HEXA: variants seen among roughly 807,000 people sequenced by gnomAD.
HEXA encodes beta-hexosaminidase subunit alpha.
A neutral mutation model predicts 73.3 loss-of-function variants in HEXA; 54 were observed. The observed-to-expected ratio is 0.74, with a 90% CI of 0.59 to 0.92. The LOEUF is 0.92. HEXA is among the 40% of genes least tolerant of loss of function. The probability of loss-of-function intolerance (pLI) is 0.00; values close to 1 mark genes in which losing one functional copy is unlikely to be tolerated. For synonymous variants in HEXA, 230 were observed against 246.9 expected, an observed-to-expected ratio of 0.93 and a Z score of 0.64; for missense variants, 649 against 653.0, an observed-to-expected ratio of 0.99 and a Z score of 0.07.
Position 72,375,773 on chromosome 15 carries a change from C to T in HEXA, c.200G>A (p.Arg67His), listed in dbSNP as rs1213459678. Residue 67 changes from arginine (R) to histidine (H), a missense_variant, in exon 1 of 14, where the codon CGC (arginine) becomes CAC (histidine). Transcript: ENST00000268097. ...GCSVLDEAFQ[R>H]YRDLLFGSGS... ...GGAACCGAAAAGCAGGTCACGATAG[C>T]GCTGGAAGGCCTCGTCGAGGACTGA... The T allele has an allele frequency of 3.7e-6, 6 of 1,614,230 alleles. No homozygotes were observed. Among genetic ancestry groups the T allele is most frequent in the South Asian group, 1.1e-5 (1 of 91,092 alleles).
intron 9 of HEXA, 58 bp downstream of exon 9, chr15:72,347,990 G>A (rs1173526158): frequency 5.3e-5 from 65 of 1,228,322 alleles, no homozygotes; most frequent in Non-Finnish European, 7.6e-5. Flanking sequence ...GGTATGGAAA[G>A]GGAGGACCCC....
rs749368995 is a variant in HEXA, at chr15:72,346,582, T to C, written c.1275A>G (p.Ile425Met). 2 of 1,614,124 alleles carry C rather than the reference T, an allele frequency of 1.2e-6. No homozygotes were observed. Among genetic ancestry groups the C allele is most frequent in the East Asian group, 4.5e-5 (2 of 44,884 alleles). The change falls in exon 11 of 14, where the codon ATA becomes ATG. Residue 425 changes from isoleucine to methionine, a missense_variant. Transcript: ENST00000268097. ...LLSAPWYLNR[I>M]SYGPDWKDFY... ...AATCCTTCCAGTCAGGGCCATAGGA[T>C]ATACGGTTCAGGTACCAGGGGGCAG...
chr15:72,369,885 G>A (rs2088965993), intron 1 of HEXA: 1 of 152,106 alleles, frequency 6.6e-6, no homozygotes, highest in African/African-American at 2.4e-5. Flanking sequence ...ACCTTCCAAT[G>A]CTATGCTTCT....
At chr15:72,350,477 A>C (rs753498021) in intron 7 of HEXA, 41 bp downstream of exon 7, 3 of 1,608,456 alleles carry the variant, frequency 1.9e-6, no homozygotes, top group East Asian at 2.2e-5. Context: ...CACTCTGAGC[A>C]TAACAAGCAG....
chr15:72,346,524 C>A lies in HEXA; in HGVS notation c.1330+3G>T. 6.2e-7 allele frequency: 1 copy of A among 1,613,712 alleles called. No individual in the cohort carries two copies. The highest frequency in any genetic ancestry group is 8.5e-7 in the Non-Finnish European group (1 of 1,179,664). ...GTTAGCAAGGAGAGCTCTCTGCTTT[C>A]ACCTTCAAATGCCAGGGGTTCCACT... On this transcript the variant is annotated splice_donor_region_variant and intron_variant, in intron 11 of 13. Transcript: ENST00000268097.
intron 1 of HEXA, among the ~76,000 whole-genome samples, chr15:72,372,348 C>CAAAAAAAAAAAAAAAAA (rs59888548): frequency 7.4e-6 from 1 of 134,268 alleles, no homozygotes; most frequent in Non-Finnish European, 1.6e-5. Flanking sequence ...GACTCCATCT[C>CAAAAAAAAAAAAAAAAA]AAAAAAAAAA....
chr15:72,371,572 T>C (rs7174287), intron 1 of HEXA, among the ~76,000 whole-genome samples: 114,406 of 132,170 alleles, frequency 0.87, 49,825 homozygotes, highest in Non-Finnish European at 0.95. Flanking sequence ...GGTGACAAAA[T>C]AAGACCCTGT....
In HEXA at chr15:72,355,582, T is replaced by G; in HGVS notation, c.389A>C (p.Glu130Ala). 6.2e-7 allele frequency: 1 copy of G among 1,610,548 alleles called. No homozygotes were observed. Among genetic ancestry groups the G allele is most frequent in the Non-Finnish European group, 8.5e-7 (1 of 1,176,782 alleles). ...INDDQCLLLS[E>A]TVWGALRGLE... ...ACCTCGGAGAGCTCCCCAGACAGTC[T>G]CAGAGAGGAGTAAACACTGGTCATC... The change falls in exon 3 of 14, where the codon GAG becomes GCG. Residue 130 changes from glutamate (E) to alanine (A), a missense_variant. By Grantham distance (107) the Glu-to-Ala change is moderately radical. Transcript: ENST00000268097.
rs1335478769 is a variant in HEXA at position 72,344,084 on chromosome 15, T to C, written c.1583A>G (p.Gln528Arg). Reference sequence around the variant, plus strand: ...CTCCTCGGTGCCTGGGGCTCAGGTCTGTTCAAACTCCTGCTCACAGAAGCC... The same window carrying C: ...CTCCTCGGTGCCTGGGGCTCAGGTCCGTTCAAACTCCTGCTCACAGAAGCC... ...NVGFCEQEFE[Q>R]T Residue 528 changes from glutamine (Q) to arginine (R), a missense_variant, in exon 14 of 14, where the codon CAG (glutamine) becomes CGG (arginine). Gln to Arg is a conservative substitution (Grantham distance 43). Coordinates refer to ENST00000268097, the MANE Select transcript of HEXA (RefSeq NM_000520.6). The C allele has an allele frequency of 6.2e-7, 1 of 1,613,722 alleles. No homozygotes were observed.
chr15:72,364,146 T>A (rs2088887651), intron 1 of HEXA, among the ~76,000 whole-genome samples: 1 of 152,032 alleles, frequency 6.6e-6, no homozygotes, highest in African/African-American at 2.4e-5. Context: ...AGCAGGCGCC[T>A]GTAAACCCAG....
chr15:72,346,376 G>A (rs922317464), intron 11 of HEXA, 51 bp from the exon 12 acceptor site: 6 of 1,541,598 alleles, frequency 3.9e-6, no homozygotes, highest in Non-Finnish European at 5.4e-6. Context: ...TAACTCCAGG[G>A]TCCCTCTCAA....
At chr15:72,374,617 G>C (rs916987409) in intron 1 of HEXA, among the ~76,000 whole-genome samples, 3 of 152,124 alleles carry the variant, frequency 2.0e-5, no homozygotes, top group Admixed American at 6.6e-5. Flanking sequence ...TAACCAAAGA[G>C]CTAGATTCCA....
intron 1 of HEXA, among the ~76,000 whole-genome samples, chr15:72,363,051 GTT>G (rs1300923691): frequency 3.3e-5 from 5 of 152,114 alleles, no homozygotes; most frequent in African/African-American, 1.2e-4. Flanking sequence ...GCCAAAGTTT[GTT>G]CCCATGCCCA....
intron 1 of HEXA, among the ~76,000 whole-genome samples, chr15:72,363,055 C>CGAA (rs2088871219): frequency 6.6e-6 from 1 of 152,144 alleles, no homozygotes; most frequent in African/African-American, 2.4e-5. Flanking sequence ...AAGTTTGTTC[C>CGAA]CATGCCCACT....
intron 1 of HEXA, among the ~76,000 whole-genome samples, chr15:72,371,606 A>G (rs1452046448): frequency 6.6e-6 from 1 of 151,282 alleles, no homozygotes; most frequent in South Asian, 2.1e-4. Flanking sequence ...AAAAAAAAAA[A>G]AAAAAAAGAA....
At position 72,346,691 on chromosome 15, in the gene HEXA, A is replaced by G. The variant is rs146714642; in HGVS notation, c.1166T>C (p.Ile389Thr). ...TGGAATATCCTCTCGCCACACCTGT[A>G]TGATTGTGTCTGGCTGAATCTGTTA... ...NKVKIQPDTI[I>T]QVWREDIPVN... is the part of the protein sequence containing the mutation. The change falls in exon 11 of 14, where the codon ATA (isoleucine) becomes ACA (threonine). Residue 389 changes from isoleucine (I) to threonine (T), a missense_variant. Physicochemically the swap from Ile to Thr is moderately conservative, Grantham distance 89 (BLOSUM62 -1). Transcript: ENST00000268097. 17 of 1,614,020 alleles carry G rather than the reference A, an allele frequency of 1.1e-5. No homozygotes were observed. In the African/African-American group the frequency reaches 1.3e-4, roughly 13 times the overall value.
In HEXA at chr15:72,352,925, A is replaced by G. The variant is rs1375099436; in HGVS notation, c.570+143T>C. The G allele has an allele frequency of 4.5e-6, 3 of 668,312 alleles. No homozygotes were observed. The Admixed American group carries it at 6.3e-5, about 14-fold the overall frequency. 41.4% of individuals were successfully genotyped at this position (668,312 alleles called of 1,614,324 possible). A position where few individuals can be genotyped will look rare whatever the true frequency, so the allele number is the denominator to read the frequency against. On this transcript the variant is annotated intron_variant, in intron 5 of 13. Transcript: ENST00000268097. The stretch of plus-strand genomic sequence containing the variant: ...GTGATCCGCCCACCTCGGCCTCCCA[A>G]AGTGTTGGGATTACAGGCATGAGCC...
chr15:72,344,580 G>C (rs1296431349), intron 13 of HEXA, among the ~76,000 whole-genome samples: 2 of 152,162 alleles, frequency 1.3e-5, no homozygotes, highest in African/African-American at 4.8e-5. Flanking sequence ...CCATGAACAT[G>C]GATGCGAAAT....
chr15:72,356,925 C>A (rs994367772), intron 1 of HEXA: 15 of 462,422 alleles, frequency 3.2e-5, no homozygotes, highest in Non-Finnish European at 5.6e-5. Context: ...ATGACCTCAA[C>A]AACTGCTTCT....
Sources: allele counts gnomAD v4.1 joint callset (sites outside exome capture counted in the v4.1 genomes callset), GRCh38; gene constraint gnomAD v4.1.1; transcripts MANE v1.5; gene names NCBI Gene and HGNC (gene_info 2026-07-23, HGNC 2026-07-21).